NOC3L: variants seen among roughly 807,000 people sequenced by gnomAD.
NOC3L encodes nucleolar complex protein 3 homolog.
Under a neutral mutation model 102.5 loss-of-function variants are expected in NOC3L, and 85 were observed. That is an observed-to-expected ratio of 0.83 (90% CI 0.70 to 0.99). The LOEUF is 0.99. Among genes scored for constraint, NOC3L ranks in the 50% least tolerant of loss-of-function variants. The probability of loss-of-function intolerance (pLI) is 0.00; values close to 1 mark genes in which losing one functional copy is unlikely to be tolerated. For synonymous variants in NOC3L, 303 were observed against 309.4 expected (o/e 0.98, Z 0.22); for missense variants, 878 against 914.9 (o/e 0.96, Z 0.52).
chr10:94,362,002 T>C (rs1321136669), intron 1 of NOC3L, 130 bp from the exon 2 acceptor site: 1 of 768,874 alleles, frequency 1.3e-6, no homozygotes, highest in Non-Finnish European at 2.2e-6. Flanking sequence ...GACTTGCATA[T>C]AAAAGCTAAA....
In NOC3L at chr10:94,361,579, G is replaced by A. The variant is rs2054551375; in HGVS notation, c.217+86C>T. 5 of 1,302,268 alleles carry A rather than the reference G, an allele frequency of 3.8e-6. No individual in the cohort carries two copies. The Admixed American group carries it at 7.3e-5, about 19-fold the overall frequency. The allele number at this position is 1,302,268 out of a possible 1,614,324, so 80.7% of individuals were successfully genotyped here. On this transcript the variant is annotated intron_variant, in intron 2 of 20. Coordinates refer to ENST00000371361, the MANE Select transcript of NOC3L (RefSeq NM_022451.11). ...AGGAAGATCTGAGAACAAGAAAAGC[G>A]ATTACTAGAAAGCAAAGTTATTTCC... is the stretch of plus-strand genomic sequence containing the variant.
the NOC3L span, chr10:94,325,334 C>T: frequency 2.3e-6 from 1 of 434,732 alleles, no homozygotes; most frequent in South Asian, 2.1e-5. Context: ...CGTGGTGGCG[C>T]ATGCCTGTAA....
the NOC3L span, chr10:94,324,961 A>C: frequency 6.2e-7 from 1 of 1,614,184 alleles, no homozygotes; most frequent in Non-Finnish European, 8.5e-7. Flanking sequence ...CAAGTCAACT[A>C]AACAGCCCCG....
the NOC3L span, among the ~76,000 whole-genome samples, chr10:94,322,799 T>C: frequency 3.4e-5 from 5 of 147,252 alleles, no homozygotes; most frequent in Admixed American, 2.0e-4. Flanking sequence ...AAAAAAAAAG[T>C]ACAAAAATTA....
At chr10:94,326,504 A>G in the NOC3L span, among the ~76,000 whole-genome samples, 1 of 152,242 alleles carries the variant, frequency 6.6e-6, no homozygotes. Flanking sequence ...ACACACCTCT[A>G]TAACTTCTGT....
chr10:94,323,612 A>G, the NOC3L span, among the ~76,000 whole-genome samples: 5 of 152,234 alleles, frequency 3.3e-5, no homozygotes, highest in Admixed American at 3.3e-4. Flanking sequence ...AAGGTTAAGT[A>G]TATGTAAGAT....
chr10:94,338,361 A>C (rs181934009), intron 18 of NOC3L, among the ~76,000 whole-genome samples: 1 of 152,240 alleles, frequency 6.6e-6, no homozygotes, highest in African/African-American at 2.4e-5. Flanking sequence ...AGGTTTCAGT[A>C]AATCTTCCAC....
At chr10:94,352,729 G>A (rs572665904) in intron 7 of NOC3L, among the ~76,000 whole-genome samples, 167 bp downstream of exon 7, 6 of 152,096 alleles carry the variant, frequency 3.9e-5, no homozygotes, top group Non-Finnish European at 8.8e-5. Flanking sequence ...GGCTGAGGCA[G>A]GAGAATCACT....
In NOC3L at chr10:94,350,290, TA is replaced by T. The variant is rs763011206; in HGVS notation, c.953-3del. Reference sequence around the variant, plus strand: ...TCTTCAGCTTCCTCTGCTTCCAATCTAATCAAAAGATAACTGTAGTTACTTT... The same window carrying T: ...TCTTCAGCTTCCTCTGCTTCCAATCTATCAAAAGATAACTGTAGTTACTTT... On this transcript the variant is annotated splice_region_variant and splice_polypyrimidine_tract_variant and intron_variant, in intron 8 of 20. Transcript: ENST00000371361. 1.9e-6 allele frequency: 3 copies of T among 1,613,506 alleles called. No homozygotes were observed. The South Asian group carries it at 3.3e-5, about 18-fold the overall frequency.
At chr10:94,316,933 T>C in the NOC3L span, among the ~76,000 whole-genome samples, 1 of 152,224 alleles carries the variant, frequency 6.6e-6, no homozygotes, top group Non-Finnish European at 1.5e-5. Flanking sequence ...ATATTATCTC[T>C]AAGGTACAGA....
At chr10:94,334,850 A>C in intron 19 of NOC3L, 132 bp from the exon 20 acceptor site, 1 of 647,162 alleles carries the variant, frequency 1.5e-6, no homozygotes, top group Non-Finnish European at 2.7e-6. Flanking sequence ...TAACCAACCA[A>C]TCCAGTCACT....
chr10:94,353,168 A>C, intron 6 of NOC3L, 111 bp from the exon 7 acceptor site: 5 of 828,044 alleles, frequency 6.0e-6, no homozygotes, highest in Non-Finnish European at 9.5e-6. Flanking sequence ...AATGACTCCA[A>C]GTCTAGTCAT....
chr10:94,334,338 TA>T, intron 20 of NOC3L, 33 bp from the exon 21 acceptor site: 1 of 1,419,876 alleles, frequency 7.0e-7, no homozygotes, highest in Non-Finnish European at 9.8e-7. Flanking sequence ...AGTTAGAAGT[TA>T]CTTATGCTAT....
the NOC3L span, among the ~76,000 whole-genome samples, chr10:94,320,622 G>A: frequency 6.6e-6 from 1 of 152,148 alleles, no homozygotes; most frequent in African/African-American, 2.4e-5. Context: ...AGAATTCTGG[G>A]GATAAGGGAG....
At chr10:94,348,629 C>A (rs2054376770) in intron 10 of NOC3L, among the ~76,000 whole-genome samples, 1 of 151,940 alleles carries the variant, frequency 6.6e-6, no homozygotes, top group South Asian at 2.1e-4. Flanking sequence ...AAACTTTTCA[C>A]CTACCTGACT....
At chr10:94,359,407 G>A (rs901848066) in intron 2 of NOC3L, among the ~76,000 whole-genome samples, 3 of 151,322 alleles carry the variant, frequency 2.0e-5, no homozygotes, top group Admixed American at 6.6e-5. Flanking sequence ...AGCAGAAATC[G>A]CCACTGAACT....
intron 16 of NOC3L, 145 bp downstream of exon 16, chr10:94,340,131 C>T (rs2054265297): frequency 6.3e-6 from 5 of 788,212 alleles, no homozygotes; most frequent in African/African-American, 1.8e-5. Flanking sequence ...CCAAGTCTTA[C>T]ATAAGATTAA....
chr10:94,337,994 A>G lies in NOC3L; in HGVS notation c.2092-120T>C, dbSNP rs1589564561. 1.3e-5 allele frequency: 7 copies of G among 536,402 alleles called. No homozygotes were observed. The East Asian group carries it at 2.2e-4, about 17-fold the overall frequency. 33.2% of individuals were successfully genotyped at this position (536,402 alleles called of 1,614,324 possible). A position where few individuals can be genotyped will look rare whatever the true frequency, so the allele number is the denominator to read the frequency against. ...AAATTTTTTTTCATCACCTATGTAC[A>G]GTATATGTAATTCATTAGAAGCACA... On this transcript the variant is annotated intron_variant, in intron 18 of 20. Coordinates refer to ENST00000371361, the MANE Select transcript of NOC3L (RefSeq NM_022451.11).
chr10:94,323,238 G>A, the NOC3L span, among the ~76,000 whole-genome samples: 1 of 152,262 alleles, frequency 6.6e-6, no homozygotes, highest in East Asian at 1.9e-4. Context: ...TTTCAGAGAA[G>A]TTTGCTTCCT....
Sources: gnomAD v4.1 joint callset for allele counts (sites outside exome capture counted in the v4.1 genomes callset) on GRCh38, gnomAD v4.1.1 for gene constraint, MANE v1.5 for transcripts, NCBI Gene and HGNC (gene_info 2026-07-23, HGNC 2026-07-21) for gene names.